The following GPHN variants were observed in gnomAD, a reference collection of about 807,000 sequenced individuals.
The protein encoded by GPHN is gephyrin.
Under a neutral mutation model 95.5 loss-of-function variants are expected in GPHN, and 17 were observed. The ratio of observed to expected loss-of-function variants is 0.18; its 90% CI spans 0.12 to 0.27. GPHN has a LOEUF of 0.27. Among genes scored for constraint, GPHN ranks in the 10% least tolerant of loss-of-function variants. The pLI is 1.00. For synonymous variants in GPHN, 320 were observed against 322.5 expected (o/e 0.99, Z 0.08); for missense variants, 660 against 978.1 (o/e 0.67, Z 4.34).
chr14:67,420,432 T>C, the GPHN span, among the ~76,000 whole-genome samples: 24 of 152,224 alleles, frequency 1.6e-4, no homozygotes, highest in African/African-American at 4.6e-4. Context: ...GCAGACTTCC[T>C]GAGGTTAATG....
intron 8 of GPHN, among the ~76,000 whole-genome samples, chr14:66,961,912 A>ATATGTG (rs2068944188): frequency 4.4e-5 from 3 of 68,764 alleles, no homozygotes; most frequent in Admixed American, 1.4e-4. Flanking sequence ...ATATATATAT[A>ATATGTG]TATATATATA....
chr14:67,026,309 ATCAC>A (rs1163654166), intron 10 of GPHN, among the ~76,000 whole-genome samples: 14 of 152,342 alleles, frequency 9.2e-5, no homozygotes, highest in African/African-American at 3.1e-4. Context: ...GTACATAATA[ATCAC>A]TCAGTAAATG....
At chr14:66,775,505 T>C (rs1448317092) in intron 2 of GPHN, among the ~76,000 whole-genome samples, 1 of 152,148 alleles carries the variant, frequency 6.6e-6, no homozygotes, top group Non-Finnish European at 1.5e-5. Flanking sequence ...ACCCAATATA[T>C]CAAAATGTTA....
intron 11 of GPHN, among the ~76,000 whole-genome samples, chr14:67,073,326 A>G (rs1476502294): frequency 1.3e-5 from 2 of 152,120 alleles, no homozygotes; most frequent in East Asian, 3.8e-4. Flanking sequence ...AGTGCTACCC[A>G]TTTATCAGTG....
chr14:66,821,377 G>A (rs996616090), intron 3 of GPHN, among the ~76,000 whole-genome samples: 3 of 152,128 alleles, frequency 2.0e-5, no homozygotes, highest in African/African-American at 7.2e-5. Context: ...AGTAGATCTT[G>A]GATGGAACTT....
At chr14:66,685,955 T>G (rs2067325943) in intron 2 of GPHN, among the ~76,000 whole-genome samples, 1 of 152,030 alleles carries the variant, frequency 6.6e-6, no homozygotes, top group Admixed American at 6.5e-5. Context: ...AGTTTCAGCT[T>G]TCTACATTTG....
At chr14:66,597,839 T>C (rs930637458) in intron 1 of GPHN, among the ~76,000 whole-genome samples, 8 of 152,194 alleles carry the variant, frequency 5.3e-5, no homozygotes, top group African/African-American at 1.9e-4. Context: ...TCCATGTTCA[T>C]TGTGGCGTTA....
the GPHN span, chr14:67,613,573 G>A: frequency 3.2e-3 from 678 of 214,790 alleles, 7 homozygotes; most frequent in African/African-American, 0.015. Flanking sequence ...ATGGAAACAA[G>A]ATTATTCTCA....
chr14:66,920,957 C>A (rs1826483500), intron 6 of GPHN, among the ~76,000 whole-genome samples: 1 of 151,996 alleles, frequency 6.6e-6, no homozygotes, highest in African/African-American at 2.4e-5. Flanking sequence ...AGTAATATAC[C>A]ATCATATATA....
intron 8 of GPHN, among the ~76,000 whole-genome samples, chr14:66,960,434 A>T (rs2068818358): frequency 6.6e-6 from 1 of 151,930 alleles, no homozygotes; most frequent in African/African-American, 2.4e-5. Flanking sequence ...CTGCTTTTTC[A>T]GCAGTAGTAG....
chr14:66,700,448 G>A (rs1191194843), intron 2 of GPHN, among the ~76,000 whole-genome samples: 1 of 152,080 alleles, frequency 6.6e-6, no homozygotes, highest in Non-Finnish European at 1.5e-5. Context: ...CATGTTGGCT[G>A]TTGCTGTTTT....
intron 1 of GPHN, among the ~76,000 whole-genome samples, chr14:66,590,500 C>A (rs2061594899): frequency 6.6e-6 from 1 of 152,106 alleles, no homozygotes; most frequent in South Asian, 2.1e-4. Context: ...GAAATACAAA[C>A]TACCATCAGA....
the GPHN span, chr14:67,586,896 C>G: frequency 6.5e-7 from 1 of 1,530,008 alleles, no homozygotes; most frequent in Non-Finnish European, 8.8e-7. Context: ...GGAGCCCACA[C>G]CACTGGGCCT....
At chr14:67,225,962 T>TGTGTGTGCGC in the GPHN span, among the ~76,000 whole-genome samples, 369 of 113,472 alleles carry the variant, frequency 3.3e-3, 1 homozygote, top group African/African-American at 0.015. Context: ...TGTGTGTGTG[T>TGTGTGTGCGC]GCGCGCGCGC....
chr14:67,023,115 T>C (rs1354029553), intron 9 of GPHN, among the ~76,000 whole-genome samples: 1 of 152,076 alleles, frequency 6.6e-6, no homozygotes, highest in African/African-American at 2.4e-5. Context: ...ATGTAAATGT[T>C]ATATAAGGAT....
intron 18 of GPHN, among the ~76,000 whole-genome samples, chr14:67,157,953 G>A (rs2081706811): frequency 6.6e-6 from 1 of 151,926 alleles, no homozygotes. Context: ...AATGTGGCTG[G>A]GTGAGATGGA....
chr14:67,526,916 T>C, the GPHN span, among the ~76,000 whole-genome samples: 37,452 of 151,930 alleles, frequency 0.25, 4,858 homozygotes, highest in Middle Eastern at 0.33. Context: ...TGACACACCA[T>C]CGAAAACCCT....
the GPHN span, among the ~76,000 whole-genome samples, chr14:67,548,375 A>T: frequency 6.6e-6 from 1 of 152,136 alleles, no homozygotes; most frequent in Non-Finnish European, 1.5e-5. Flanking sequence ...CTGCTTCTTT[A>T]TGCCAAAAGG....
the GPHN span, chr14:67,340,508 G>A: frequency 6.3e-7 from 1 of 1,599,642 alleles, no homozygotes; most frequent in Non-Finnish European, 8.5e-7. Context: ...GTTCAATCCG[G>A]GGAATGATGA....
Sources: gnomAD v4.1 joint callset for allele counts (sites outside exome capture counted in the v4.1 genomes callset) on GRCh38, gnomAD v4.1.1 for gene constraint, MANE v1.5 for transcripts, NCBI Gene and HGNC (gene_info 2026-07-23, HGNC 2026-07-21) for gene names.